The following ARFIP1 variants were observed in gnomAD, a reference collection of about 807,000 sequenced individuals.
ARFIP1 encodes the protein arfaptin-1.
A neutral mutation model predicts 42.5 loss-of-function variants in ARFIP1; 24 were observed. The ratio of observed to expected loss-of-function variants is 0.57; its 90% CI spans 0.41 to 0.80. The LOEUF (loss-of-function observed/expected upper bound fraction) is 0.80, where lower values mean the gene tolerates loss of function less well. ARFIP1 is among the 30% of genes least tolerant of loss of function. The pLI, the probability that ARFIP1 is intolerant of heterozygous loss-of-function variation, is 0.00. For missense variants in ARFIP1, 354 were observed against 434.0 expected (o/e 0.82, Z 1.64); for synonymous variants, 141 against 153.7 (o/e 0.92, Z 0.61).
chr4:152,832,312 A>T (rs536740464), intron 2 of ARFIP1, among the ~76,000 whole-genome samples: 1 of 152,356 alleles, frequency 6.6e-6, no homozygotes, highest in South Asian at 2.1e-4. Context: ...TGGTTATAAA[A>T]TGCTGTTCCC....
intron 1 of ARFIP1, among the ~76,000 whole-genome samples, chr4:152,813,779 C>A (rs1729656608): frequency 6.6e-6 from 1 of 151,928 alleles, no homozygotes; most frequent in African/African-American, 2.4e-5. Flanking sequence ...AGAAGATAAT[C>A]TTATAACATT....
At chr4:152,805,074 G>A (rs1488287899) in intron 1 of ARFIP1, among the ~76,000 whole-genome samples, 1 of 152,154 alleles carries the variant, frequency 6.6e-6, no homozygotes, top group Non-Finnish European at 1.5e-5. Flanking sequence ...TTTTAGTGAT[G>A]AGTGTTAGGA....
chr4:152,908,084 T>C (rs1738518830), intron 8 of ARFIP1, among the ~76,000 whole-genome samples: 1 of 152,210 alleles, frequency 6.6e-6, no homozygotes. Flanking sequence ...ATTTGAGTTT[T>C]CCTATTTCCT....
At chr4:152,898,274 G>A (rs920225201) in intron 8 of ARFIP1, among the ~76,000 whole-genome samples, 7 of 151,968 alleles carry the variant, frequency 4.6e-5, no homozygotes, top group African/African-American at 1.7e-4. Flanking sequence ...GAGCCACTGC[G>A]CCCGGCTGCA....
intron 1 of ARFIP1, among the ~76,000 whole-genome samples, chr4:152,814,761 C>T (rs187217486): frequency 7.2e-5 from 11 of 152,264 alleles, no homozygotes; most frequent in East Asian, 1.9e-4. Flanking sequence ...CTACAACTTT[C>T]CCCCTGGGTA....
intron 2 of ARFIP1, among the ~76,000 whole-genome samples, chr4:152,855,217 C>T (rs140806089): frequency 1.3e-5 from 2 of 152,176 alleles, no homozygotes; most frequent in Non-Finnish European, 2.9e-5. Flanking sequence ...GTTCAGGTGC[C>T]AGTGGTAGTG....
rs996809920 is a variant in ARFIP1 at position 152,911,547 on chromosome 4, T to A, written c.*1328T>A. ...ATTTTCAATGTAAAGCTCTTTTAGT[T>A]TTTGTCATAGACATAAATTAATATT... is the stretch of plus-strand genomic sequence containing the variant. On this transcript the variant is annotated 3_prime_UTR_variant, in exon 9 of 9. Transcript: ENST00000353617. 2.0e-5 allele frequency: 3 copies of A among 152,642 alleles called. No individual in the cohort carries two copies. The highest frequency in any genetic ancestry group is 4.4e-5 in the Non-Finnish European group (3 of 68,034). The allele number at this position is 152,642 out of a possible 1,614,324, so 9.5% of individuals were successfully genotyped here. A position where few individuals can be genotyped will look rare whatever the true frequency, so the allele number is the denominator to read the frequency against.
intron 4 of ARFIP1, among the ~76,000 whole-genome samples, chr4:152,871,138 T>C (rs945309937): frequency 1.3e-5 from 2 of 152,248 alleles, no homozygotes; most frequent in African/African-American, 4.8e-5. Context: ...CTGGAAATTG[T>C]AGGTTTACTG....
intron 8 of ARFIP1, among the ~76,000 whole-genome samples, chr4:152,899,885 G>T (rs1737676876): frequency 6.6e-6 from 1 of 152,140 alleles, no homozygotes; most frequent in Admixed American, 6.5e-5. Context: ...GTGCACAGAT[G>T]ATAATGCTGG....
At chr4:152,809,960 G>A (rs76831390) in intron 1 of ARFIP1, 3 of 152,048 alleles carry the variant, frequency 2.0e-5, no homozygotes, top group Non-Finnish European at 2.9e-5. Context: ...ACTTAACAAG[G>A]AACAACACTA....
At chr4:152,900,178 G>A (rs961175296) in intron 8 of ARFIP1, among the ~76,000 whole-genome samples, 2 of 151,918 alleles carry the variant, frequency 1.3e-5, no homozygotes, top group African/African-American at 4.8e-5. Context: ...AAGGGAGGGA[G>A]GGATCAAAGG....
At chr4:152,863,086 A>G (rs1446277845) in intron 2 of ARFIP1, among the ~76,000 whole-genome samples, 2 of 152,166 alleles carry the variant, frequency 1.3e-5, no homozygotes, top group Admixed American at 6.5e-5. Context: ...TAGGTTAACT[A>G]TTATCATTGT....
intron 2 of ARFIP1, among the ~76,000 whole-genome samples, chr4:152,833,305 C>A (rs945470891): frequency 1.1e-4 from 16 of 150,520 alleles, no homozygotes; most frequent in South Asian, 2.1e-4. Flanking sequence ...CATCACTAAT[C>A]ATCAGAGAAA....
At chr4:152,882,948 T>TACAA in intron 7 of ARFIP1, 68 bp downstream of exon 7, 1 of 1,510,236 alleles carries the variant, frequency 6.6e-7, no homozygotes, top group East Asian at 2.3e-5. Context: ...ATTTTTTGGT[T>TACAA]ACAAACAACA....
At chr4:152,877,248 C>T (rs1343506683) in intron 5 of ARFIP1, among the ~76,000 whole-genome samples, 1 of 152,056 alleles carries the variant, frequency 6.6e-6, no homozygotes, top group Non-Finnish European at 1.5e-5. Flanking sequence ...AAGGCTGTAC[C>T]CTGAAAAGGC....
chr4:152,804,526 G>A (rs1728858894), intron 1 of ARFIP1, among the ~76,000 whole-genome samples: 1 of 125,784 alleles, frequency 8.0e-6, no homozygotes. Context: ...TAGTTGGGAG[G>A]GCCTGTTCAT....
At chr4:152,855,533 A>G (rs1156487836) in intron 2 of ARFIP1, among the ~76,000 whole-genome samples, 3 of 152,182 alleles carry the variant, frequency 2.0e-5, no homozygotes, top group Admixed American at 2.0e-4. Flanking sequence ...AGCCCTGGAT[A>G]CAGTAGTCTG....
At chr4:152,840,769 A>G (rs1365308796) in intron 2 of ARFIP1, among the ~76,000 whole-genome samples, 7 of 125,768 alleles carry the variant, frequency 5.6e-5, no homozygotes, top group African/African-American at 1.9e-4. Flanking sequence ...CCCAGGGTGG[A>G]GTGCAATGGC....
At chr4:152,883,661 T>A (rs1207600825) in intron 7 of ARFIP1, among the ~76,000 whole-genome samples, 1 of 151,318 alleles carries the variant, frequency 6.6e-6, no homozygotes, top group Non-Finnish European at 1.5e-5. Context: ...GTCTCATAAC[T>A]ATCCTGTTAA....
Sources: allele counts gnomAD v4.1 joint callset (sites outside exome capture counted in the v4.1 genomes callset), GRCh38; gene constraint gnomAD v4.1.1; transcripts MANE v1.5; gene names NCBI Gene and HGNC (gene_info 2026-07-23, HGNC 2026-07-21).